Variants in ABTB2 observed in about 807,000 individuals in gnomAD.
ABTB2 encodes ankyrin repeat and BTB/POZ domain-containing protein 2.
ABTB2 carries 56 observed loss-of-function variants against 104.1 expected under a neutral mutation model. The observed-to-expected ratio is 0.54, with a 90% CI of 0.43 to 0.67. The LOEUF (loss-of-function observed/expected upper bound fraction) is 0.67. Among genes scored for constraint, ABTB2 ranks in the 30% least tolerant of loss-of-function variants. The pLI, the probability that ABTB2 is intolerant of heterozygous loss-of-function variation, is 0.00. For synonymous variants in ABTB2, 606 were observed against 608.2 expected, an observed-to-expected ratio of 1.00 and a Z score of 0.05; for missense variants, 1,279 against 1,407.7, an observed-to-expected ratio of 0.91 and a Z score of 1.46.
chr11:34,292,905 G>A (rs558538086), intron 1 of ABTB2, among the ~76,000 whole-genome samples: 43 of 152,268 alleles, frequency 2.8e-4, no homozygotes, highest in Middle Eastern at 3.4e-3. Flanking sequence ...CAAATGACTT[G>A]GTCCACTGTG....
At chr11:34,310,523 C>T (rs1413231405) in intron 1 of ABTB2, among the ~76,000 whole-genome samples, 2 of 152,150 alleles carry the variant, frequency 1.3e-5, no homozygotes, top group Admixed American at 6.6e-5. Context: ...ACACACCTAT[C>T]CCTCCAGCCA....
chr11:34,289,563 C>G (rs1203025855), intron 1 of ABTB2, among the ~76,000 whole-genome samples: 1 of 152,186 alleles, frequency 6.6e-6, no homozygotes, highest in Non-Finnish European at 1.5e-5. Flanking sequence ...GGAATTTACC[C>G]ATGCCTGACT....
At chr11:34,195,085 G>GGGGC (rs1565137675) in intron 3 of ABTB2, among the ~76,000 whole-genome samples, 6 of 77,664 alleles carry the variant, frequency 7.7e-5, no homozygotes, top group African/African-American at 2.0e-4. Context: ...CGGGGGGGGG[G>GGGGC]AGTGGGGGCG....
chr11:34,216,935 T>A (rs1051032866), intron 1 of ABTB2, among the ~76,000 whole-genome samples: 1 of 152,208 alleles, frequency 6.6e-6, no homozygotes, highest in African/African-American at 2.4e-5. Context: ...GTTTACCATT[T>A]CCATGGCAAC....
At chr11:34,201,501 G>C (rs976793136) in intron 2 of ABTB2, among the ~76,000 whole-genome samples, 8 of 152,180 alleles carry the variant, frequency 5.3e-5, no homozygotes, top group African/African-American at 1.9e-4. Flanking sequence ...AAAAGCACAA[G>C]TCCCAAAACT....
intron 1 of ABTB2, among the ~76,000 whole-genome samples, chr11:34,220,602 C>T (rs1207016340): frequency 1.3e-5 from 2 of 152,160 alleles, no homozygotes; most frequent in East Asian, 3.8e-4. Flanking sequence ...GGGGCCAGAG[C>T]CAACGTGCTG....
Position 34,315,436 on chromosome 11 carries a change from T to G in ABTB2, c.883+41265A>C, listed in dbSNP as rs118153388. Among the ~76,000 whole-genome samples the G allele has an allele frequency of 6.2e-4, 95 of 152,292 alleles. No homozygotes were observed. In the East Asian group the frequency reaches 0.018, roughly 28 times the overall value. On this transcript the variant is annotated intron_variant, in intron 1 of 16. Transcript: ENST00000435224. ...CTTTCCGAGGTTTAGAAGCCCATCT[T>G]TGGGAGGTTTTTGAGACAAAGGAAA...
intron 1 of ABTB2, among the ~76,000 whole-genome samples, chr11:34,218,591 T>G (rs1408945865): frequency 6.6e-6 from 1 of 152,204 alleles, no homozygotes; most frequent in Non-Finnish European, 1.5e-5. Context: ...GGCTCACGCC[T>G]GTAATCCCAC....
intron 1 of ABTB2, among the ~76,000 whole-genome samples, chr11:34,234,352 CTCCCT>C (rs1565147952): frequency 6.6e-6 from 1 of 152,206 alleles, no homozygotes; most frequent in Admixed American, 6.5e-5. Context: ...AGATTCTCCC[CTCCCT>C]GGCCTTTCTA....
chr11:34,158,932 G>A (rs954760785), intron 14 of ABTB2, among the ~76,000 whole-genome samples: 31 of 152,310 alleles, frequency 2.0e-4, no homozygotes, highest in African/African-American at 7.5e-4. Context: ...GGTGGGGCCT[G>A]GGGCTCTGCA....
intron 1 of ABTB2, among the ~76,000 whole-genome samples, chr11:34,234,842 T>C (rs1853819634): frequency 6.6e-6 from 1 of 152,076 alleles, no homozygotes; most frequent in African/African-American, 2.4e-5. Flanking sequence ...CAGAGATTAT[T>C]GTGTTTATTT....
intron 1 of ABTB2, among the ~76,000 whole-genome samples, chr11:34,327,984 T>C (rs1329824393): frequency 6.6e-6 from 1 of 152,216 alleles, no homozygotes; most frequent in Non-Finnish European, 1.5e-5. Flanking sequence ...CTCTGAAATG[T>C]GTCATCTAGC....
chr11:34,180,520 G>C (rs925680410), intron 3 of ABTB2, among the ~76,000 whole-genome samples: 3 of 152,218 alleles, frequency 2.0e-5, no homozygotes, highest in South Asian at 2.1e-4. Context: ...GATGGACAAA[G>C]CCACTTAAAA....
At chr11:34,313,771 T>A (rs1354579774) in intron 1 of ABTB2, among the ~76,000 whole-genome samples, 2 of 152,232 alleles carry the variant, frequency 1.3e-5, no homozygotes, top group Non-Finnish European at 2.9e-5. Flanking sequence ...AGTGGATCTG[T>A]GTAAAGCACT....
At chr11:34,191,525 G>A (rs1337790080) in intron 3 of ABTB2, among the ~76,000 whole-genome samples, 1 of 152,178 alleles carries the variant, frequency 6.6e-6, no homozygotes, top group Non-Finnish European at 1.5e-5. Context: ...TATAACATCA[G>A]CACCCTGGTC....
chr11:34,243,261 T>C (rs1172999109), intron 1 of ABTB2, among the ~76,000 whole-genome samples: 1 of 152,172 alleles, frequency 6.6e-6, no homozygotes. Context: ...GACTAGCCTG[T>C]TGACCTCTGG....
chr11:34,189,261 C>T (rs1853141809), intron 3 of ABTB2: 1 of 152,076 alleles, frequency 6.6e-6, no homozygotes, highest in Admixed American at 6.6e-5. Flanking sequence ...CACTGTTTCA[C>T]TTGACTAGCC....
In ABTB2 at chr11:34,196,532, C is replaced by A. The variant is rs571223193; in HGVS notation, c.1244+793G>T. 2.0e-5 allele frequency among the ~76,000 whole-genome samples: 3 copies of A among 152,140 alleles called. No homozygotes were observed. In the East Asian group the frequency reaches 5.8e-4, roughly 29 times the overall value. On this transcript the variant is annotated intron_variant, in intron 3 of 16. Coordinates refer to ENST00000435224, the MANE Select transcript of ABTB2 (RefSeq NM_145804.3). ...TTGTGCCATTGCACTCCAGCCTGGG[C>A]AATAGAGCAAGACTCCGTCTAAAAA...
At chr11:34,320,697 G>A (rs1039370014) in intron 1 of ABTB2, among the ~76,000 whole-genome samples, 7 of 152,162 alleles carry the variant, frequency 4.6e-5, no homozygotes, top group Middle Eastern at 3.2e-3. Context: ...TTAGACGTCC[G>A]TGGAACTCTC....
Sources: gnomAD v4.1 joint callset for allele counts (sites outside exome capture counted in the v4.1 genomes callset) on GRCh38, gnomAD v4.1.1 for gene constraint, MANE v1.5 for transcripts, NCBI Gene and HGNC (gene_info 2026-07-23, HGNC 2026-07-21) for gene names.